TSPAN11: variants seen among roughly 807,000 people sequenced by gnomAD.
The protein encoded by TSPAN11 is tetraspanin 11, also known as tetraspanin-11.
In TSPAN11, 29 loss-of-function variants were observed where a neutral mutation model predicts 32.9. The observed-to-expected ratio is 0.88, with a 90% CI of 0.66 to 1.20. The LOEUF (loss-of-function observed/expected upper bound fraction) is 1.20. TSPAN11 is among the 50% of genes most tolerant of loss of function. The probability of loss-of-function intolerance (pLI) is 0.00; values close to 1 mark genes in which losing one functional copy is unlikely to be tolerated. For synonymous variants in TSPAN11, 140 were observed against 141.3 expected (o/e 0.99, Z 0.07); for missense variants, 283 against 329.1 (o/e 0.86, Z 1.08).
At chr12:30,986,784 G>C (rs56383936) in intron 7 of TSPAN11, 9,063 of 152,316 alleles carry the variant, frequency 0.06, 366 homozygotes, top group South Asian at 0.086. Flanking sequence ...CCTTGTGGAC[G>C]TGTGGACCAG....
intron 3 of TSPAN11, among the ~76,000 whole-genome samples, chr12:30,966,624 T>C (rs1381319758): frequency 6.6e-6 from 1 of 152,230 alleles, no homozygotes; most frequent in African/African-American, 2.4e-5. Flanking sequence ...AAGAGTCTGC[T>C]TCCCTGGGGA....
At chr12:30,970,613 A>G (rs536992519) in intron 3 of TSPAN11, among the ~76,000 whole-genome samples, 44 of 152,128 alleles carry the variant, frequency 2.9e-4, no homozygotes, top group African/African-American at 1.0e-3. Flanking sequence ...TTCTGCTCCC[A>G]GAACCACAAG....
chr12:30,927,440 G>A (rs1937823886), intron 1 of TSPAN11, among the ~76,000 whole-genome samples: 1 of 152,222 alleles, frequency 6.6e-6, no homozygotes, highest in Non-Finnish European at 1.5e-5. Context: ...GTGTGCACAT[G>A]TGTGAATTGG....
chr12:30,936,044 T>C (rs1017311202), intron 1 of TSPAN11, among the ~76,000 whole-genome samples: 8 of 152,222 alleles, frequency 5.3e-5, no homozygotes, highest in Non-Finnish European at 1.0e-4. Flanking sequence ...ACCATTTGGG[T>C]TTCTTTAATT....
chr12:30,979,538 A>AT, intron 4 of TSPAN11, 28 bp from the exon 5 acceptor site: 2 of 1,611,366 alleles, frequency 1.2e-6, no homozygotes, highest in Non-Finnish European at 1.7e-6. Flanking sequence ...GGTCCCGCTG[A>AT]TGGGGACTTC....
chr12:30,967,695 T>C (rs74086336), intron 3 of TSPAN11, among the ~76,000 whole-genome samples: 7 of 29,288 alleles, frequency 2.4e-4, no homozygotes, highest in Non-Finnish European at 3.5e-4. Flanking sequence ...TGCATATGCA[T>C]GCACACACAT....
At chr12:31,004,036 T>C in the TSPAN11 span, among the ~76,000 whole-genome samples, 5 of 152,188 alleles carry the variant, frequency 3.3e-5, no homozygotes, top group African/African-American at 9.7e-5. Context: ...AGGTGGAGGC[T>C]GGAGAAGAGA....
the TSPAN11 span, among the ~76,000 whole-genome samples, chr12:31,013,617 A>AAACAC: frequency 2.6e-5 from 4 of 151,880 alleles, no homozygotes; most frequent in Non-Finnish European, 5.9e-5. Context: ...AAACAAAACA[A>AAACAC]AACAAAACGA....
intron 1 of TSPAN11, among the ~76,000 whole-genome samples, chr12:30,944,753 T>C (rs1938233358): frequency 6.6e-6 from 1 of 152,244 alleles, no homozygotes; most frequent in South Asian, 2.1e-4. Flanking sequence ...AGACATTATT[T>C]AAAGTGAAAT....
chr12:31,013,112 T>C, the TSPAN11 span, among the ~76,000 whole-genome samples: 2 of 152,192 alleles, frequency 1.3e-5, no homozygotes, highest in African/African-American at 4.8e-5. Context: ...GTGCAGACCA[T>C]GATCACAACA....
Position 30,983,114 on chromosome 12 carries a change from T to C in TSPAN11, c.666T>C (p.Leu222=), listed in dbSNP as rs1422695086. The C allele has an allele frequency of 6.2e-7, 1 of 1,613,310 alleles. No individual in the cohort carries two copies. Among genetic ancestry groups the C allele is most frequent in the Non-Finnish European group, 8.5e-7 (1 of 1,179,950 alleles). The change falls in exon 7 of 8, where the codon CTT becomes CTC. Residue 222 remains leucine (L), a synonymous_variant. Coordinates refer to ENST00000546076, the MANE Select transcript of TSPAN11 (RefSeq NM_001370302.1). ...LEQFLADHLL[L]MGAVGIGVAC... Reference sequence around the variant, plus strand: ...AGTTCCTGGCCGACCACCTGCTGCTTATGGGGGCAGTGGGCATCGGGGTGG... The same window carrying C: ...AGTTCCTGGCCGACCACCTGCTGCTCATGGGGGCAGTGGGCATCGGGGTGG...
chr12:30,972,622 C>T (rs1367623833), intron 3 of TSPAN11, among the ~76,000 whole-genome samples: 1 of 152,086 alleles, frequency 6.6e-6, no homozygotes, highest in Non-Finnish European at 1.5e-5. Context: ...TACAACAGTG[C>T]CTTACCTAGC....
At chr12:31,007,044 A>AG in the TSPAN11 span, among the ~76,000 whole-genome samples, 1 of 152,050 alleles carries the variant, frequency 6.6e-6, no homozygotes, top group East Asian at 1.9e-4. Flanking sequence ...CCATCGGTGT[A>AG]GGGGGGGCCC....
At chr12:30,932,576 A>G (rs1038660504) in intron 1 of TSPAN11, among the ~76,000 whole-genome samples, 1 of 152,156 alleles carries the variant, frequency 6.6e-6, no homozygotes, top group Admixed American at 6.5e-5. Context: ...TTGATAATTC[A>G]GGACTTGTCT....
chr12:30,947,069 T>G (rs1342658451), intron 1 of TSPAN11, among the ~76,000 whole-genome samples: 1 of 152,200 alleles, frequency 6.6e-6, no homozygotes, highest in Non-Finnish European at 1.5e-5. Context: ...TTTCAGGGGA[T>G]TATCCAAAGC....
chr12:30,969,930 TG>T (rs1270224501), intron 3 of TSPAN11, among the ~76,000 whole-genome samples: 2 of 152,354 alleles, frequency 1.3e-5, no homozygotes, highest in African/African-American at 4.8e-5. Flanking sequence ...GTATTGGATT[TG>T]GTCAGAGGCT....
In TSPAN11 at chr12:30,978,665, C is replaced by G. The variant is rs779395019; in HGVS notation, c.351+30C>G. 3.1e-6 allele frequency: 5 copies of G among 1,609,886 alleles called. No homozygotes were observed. In the Admixed American group the frequency reaches 8.3e-5, roughly 27 times the overall value. On this transcript the variant is annotated intron_variant, in intron 4 of 7. Transcript: ENST00000546076. ...GTGACGTTTCCTCCTCCTGCATCCTCTGTCAGTGTCCTGAAGAAGCAATGT... is the reference window on the plus strand; with the variant it reads ...GTGACGTTTCCTCCTCCTGCATCCTGTGTCAGTGTCCTGAAGAAGCAATGT...
chr12:30,978,220 T>C, intron 3 of TSPAN11: 1 of 263,142 alleles, frequency 3.8e-6, no homozygotes, highest in Non-Finnish European at 7.3e-6. Flanking sequence ...TGTAGTTGCA[T>C]TTGTAACACA....
the TSPAN11 span, among the ~76,000 whole-genome samples, chr12:31,013,556 T>A: frequency 1.3e-5 from 2 of 150,244 alleles, no homozygotes; most frequent in Non-Finnish European, 3.0e-5. Context: ...GCCAGTGTAC[T>A]CCAGCCTGGG....
Sources: allele counts gnomAD v4.1 joint callset (sites outside exome capture counted in the v4.1 genomes callset), GRCh38; gene constraint gnomAD v4.1.1; transcripts MANE v1.5; gene names NCBI Gene and HGNC (gene_info 2026-07-23, HGNC 2026-07-21).